Variants in CES5A observed in about 807,000 individuals in gnomAD.
The protein encoded by CES5A is carboxylesterase 5A, also known as carboxylesterase 5.
Under a neutral mutation model 62.9 loss-of-function variants are expected in CES5A, and 67 were observed. The ratio of observed to expected loss-of-function variants is 1.07; its 90% CI spans 0.88 to 1.31. The LOEUF is 1.31. CES5A is among the 50% of genes most tolerant of loss of function. The pLI is 0.00. For missense variants in CES5A, 748 were observed against 708.5 expected (o/e 1.06, Z -0.63); for synonymous variants, 296 against 280.8 (o/e 1.05, Z -0.54).
intron 1 of CES5A, among the ~76,000 whole-genome samples, chr16:55,874,481 T>TA: frequency 6.6e-6 from 1 of 152,038 alleles, no homozygotes; most frequent in African/African-American, 2.4e-5. Context: ...CTGGCTTCTT[T>TA]TTTTTTTTTC....
intron 1 of CES5A, among the ~76,000 whole-genome samples, chr16:55,911,455 C>G (rs1330303944): frequency 1.3e-5 from 2 of 152,176 alleles, no homozygotes; most frequent in Non-Finnish European, 2.9e-5. Context: ...ATAATACTCA[C>G]CCATTTATTG....
At chr16:55,855,447 C>T (rs116502337) in intron 9 of CES5A, among the ~76,000 whole-genome samples, 396 of 152,276 alleles carry the variant, frequency 2.6e-3, no homozygotes, top group South Asian at 0.025. Flanking sequence ...AGTGAATGAA[C>T]GAGTAAATGA....
intron 1 of CES5A, among the ~76,000 whole-genome samples, chr16:55,881,651 T>A (rs1228492720): frequency 6.6e-6 from 1 of 152,192 alleles, no homozygotes; most frequent in African/African-American, 2.4e-5. Context: ...TTCAGGGATG[T>A]GGAACTGTTA....
upstream of CES5A, among the ~76,000 whole-genome samples, chr16:55,877,165 C>T (rs1350405949): frequency 2.6e-5 from 4 of 152,150 alleles, no homozygotes; most frequent in Non-Finnish European, 5.9e-5. Context: ...CTCATGTGGT[C>T]CTATTAGCAT....
At chr16:55,943,358 C>G (rs1279264949) in intron 2 of CES5A, among the ~76,000 whole-genome samples, 1 of 152,212 alleles carries the variant, frequency 6.6e-6, no homozygotes, top group African/African-American at 2.4e-5. Flanking sequence ...AGGTCACACA[C>G]AGAGCAAGCT....
intron 1 of CES5A, among the ~76,000 whole-genome samples, chr16:55,902,796 G>A (rs1477351853): frequency 6.6e-6 from 1 of 152,168 alleles, no homozygotes; most frequent in Non-Finnish European, 1.5e-5. Context: ...GCTGTTGCTT[G>A]AGATGCCACC....
At chr16:55,850,895 C>A (rs2033119128) in intron 10 of CES5A, among the ~76,000 whole-genome samples, 1 of 81,590 alleles carries the variant, frequency 1.2e-5, no homozygotes, top group African/African-American at 4.0e-5. Context: ...TGTTCTTACT[C>A]CTTTTCTTTT....
intron 1 of CES5A, among the ~76,000 whole-genome samples, chr16:55,874,534 G>T (rs1218052383): frequency 6.6e-6 from 1 of 151,206 alleles, no homozygotes; most frequent in African/African-American, 2.4e-5. Flanking sequence ...ATTTTACCTA[G>T]AAGAATTCCA....
chr16:55,849,662 AACACAAAGCGG>A lies in CES5A; in HGVS notation c.1374_1384del (p.Phe460TrpfsTer39). The A allele has an allele frequency of 1.9e-6, 3 of 1,614,018 alleles. No individual in the cohort carries two copies. The highest frequency in any genetic ancestry group is 2.5e-6 in the Non-Finnish European group (3 of 1,179,898). ...GTCCCCCTTCAGGAAGGCACCACCG[AACACAAAGCGG>A]ACTTCATCAGCGTGGTCGGCTTTGA... On this transcript the variant is annotated frameshift_variant, in exon 11 of 13. Coordinates refer to ENST00000290567, the MANE Select transcript of CES5A (RefSeq NM_001143685.2). LOFTEE classifies it high-confidence loss of function.
At chr16:55,925,038 GC>G (rs2034244470) in intron 1 of CES5A, among the ~76,000 whole-genome samples, 1 of 152,006 alleles carries the variant, frequency 6.6e-6, no homozygotes, top group South Asian at 2.1e-4. Flanking sequence ...AAGTTAAAAA[GC>G]TTCTGCACAG....
chr16:55,859,711 T>A lies in CES5A; in HGVS notation c.916-24A>T, dbSNP rs77694483. On this transcript the variant is annotated intron_variant, in intron 7 of 12. Transcript: ENST00000290567. ...TTCTGTAATAAGGAAGAAAAAAAAA[T>A]CATCAGCTATCATCAGCTATTTCTG... 21 of 1,575,048 alleles carry A rather than the reference T, an allele frequency of 1.3e-5. No individual in the cohort carries two copies. The African/African-American group carries it at 2.1e-4, about 16-fold the overall frequency.
intron 1 of CES5A, among the ~76,000 whole-genome samples, chr16:55,910,724 TTC>T (rs1421883133): frequency 2.6e-5 from 4 of 152,324 alleles, no homozygotes; most frequent in Non-Finnish European, 5.9e-5. Flanking sequence ...GGAAGTCTAT[TTC>T]TCTTTCTGGC....
At chr16:55,954,050 CCAAGCCAGCCTCTGGTAA>C (rs1297136448) in intron 1 of CES5A, among the ~76,000 whole-genome samples, 1 of 152,174 alleles carries the variant, frequency 6.6e-6, no homozygotes, top group Non-Finnish European at 1.5e-5. Context: ...TCCCCGCTGC[CCAAGCCAGCCTCTGGTAA>C]CCATCATTCT....
chr16:55,863,296 T>C (rs571462609), intron 6 of CES5A, 52 bp downstream of exon 6: 1 of 992,906 alleles, frequency 1.0e-6, no homozygotes, highest in South Asian at 1.3e-5. Flanking sequence ...CCTGACCACA[T>C]TCTCTGCTAA....
chr16:55,859,494 A>G, intron 8 of CES5A, 53 bp downstream of exon 8: 2 of 1,583,298 alleles, frequency 1.3e-6, no homozygotes, highest in South Asian at 1.2e-5. Context: ...TGTTGAAGCC[A>G]AAGCTGCATC....
chr16:55,864,900 C>A (rs1417515805), intron 5 of CES5A, among the ~76,000 whole-genome samples: 1 of 149,138 alleles, frequency 6.7e-6, no homozygotes, highest in African/African-American at 2.5e-5. Context: ...AGAGTGAGAA[C>A]TTGTCTCAAA....
rs74019315 is a variant in CES5A at position 55,881,335 on chromosome 16, A to G, written c.-255-7298T>C. Among the ~76,000 whole-genome samples the G allele has an allele frequency of 6.9e-3, 1,045 of 152,316 alleles. 19 individuals carry two copies. The highest frequency in any genetic ancestry group is 0.023 in the African/African-American group (947 of 41,574). On this transcript the variant is annotated intron_variant, in intron 1 of 12. Coordinates refer to the CES5A transcript ENST00000518005. ...AGAAAAGGGATTTCCTAGTGAATGA[A>G]TCGCGTGATGTGGCTATTATGTCCT... is the stretch of plus-strand genomic sequence containing the variant.
chr16:55,854,022 A>T (rs761271477), intron 9 of CES5A, among the ~76,000 whole-genome samples: 6 of 152,300 alleles, frequency 3.9e-5, no homozygotes, highest in Non-Finnish European at 4.4e-5. Context: ...AGGCCTCTGC[A>T]GTAGGTCCAG....
chr16:55,913,617 A>G (rs1349626229), intron 1 of CES5A, among the ~76,000 whole-genome samples: 2 of 152,198 alleles, frequency 1.3e-5, no homozygotes, highest in Non-Finnish European at 1.5e-5. Context: ...GAACAAGGAC[A>G]GCTTAAAGGT....
Sources: allele counts gnomAD v4.1 joint callset (sites outside exome capture counted in the v4.1 genomes callset), GRCh38; gene constraint gnomAD v4.1.1; transcripts MANE v1.5; gene names NCBI Gene and HGNC (gene_info 2026-07-23, HGNC 2026-07-21).